The following NOL4 variants were observed in gnomAD, a reference collection of about 807,000 sequenced individuals.
NOL4 encodes the protein cancer/testis antigen 125.
Under a neutral mutation model 75.9 loss-of-function variants are expected in NOL4, and 17 were observed. That is an observed-to-expected ratio of 0.22 (90% CI 0.15 to 0.34). The LOEUF is 0.34. Among genes scored for constraint, NOL4 ranks in the 10% least tolerant of loss-of-function variants. The probability of loss-of-function intolerance (pLI) is 1.00; values close to 1 mark genes in which losing one functional copy is unlikely to be tolerated. For synonymous variants in NOL4, 292 were observed against 289.9 expected, an observed-to-expected ratio of 1.01 and a Z score of -0.07; for missense variants, 614 against 793.5, an observed-to-expected ratio of 0.77 and a Z score of 2.72.
At chr18:34,078,290 A>T (rs2077838705) in intron 5 of NOL4, among the ~76,000 whole-genome samples, 1 of 152,166 alleles carries the variant, frequency 6.6e-6, no homozygotes, top group Non-Finnish European at 1.5e-5. Flanking sequence ...GGGAGACATA[A>T]ATTGTGTCTG....
intron 5 of NOL4, among the ~76,000 whole-genome samples, chr18:34,050,811 A>G (rs2076595251): frequency 6.6e-6 from 1 of 152,134 alleles, no homozygotes; most frequent in East Asian, 1.9e-4. Flanking sequence ...CAAGTTTTAA[A>G]TATAAACCCC....
At chr18:34,012,575 T>G (rs1488435848) in intron 6 of NOL4, among the ~76,000 whole-genome samples, 1 of 151,856 alleles carries the variant, frequency 6.6e-6, no homozygotes, top group Non-Finnish European at 1.5e-5. Flanking sequence ...AAATTGGTAT[T>G]TAATAAAATA....
intron 1 of NOL4, among the ~76,000 whole-genome samples, chr18:34,139,494 GT>G (rs1467911663): frequency 5.9e-5 from 9 of 152,142 alleles, no homozygotes; most frequent in African/African-American, 2.2e-4. Flanking sequence ...TCTGATGGTA[GT>G]TTGTATTTCT....
At chr18:34,078,296 GTCTGAAGTGAAGTTAATTCCCT>G (rs1229858718) in intron 5 of NOL4, among the ~76,000 whole-genome samples, 3 of 152,152 alleles carry the variant, frequency 2.0e-5, no homozygotes, top group African/African-American at 7.2e-5. Context: ...CATAAATTGT[GTCTGAAGTGAAGTTAATTCCCT>G]TCTTTTAAAT....
intron 1 of NOL4, chr18:34,221,229 T>C (rs2037276445): frequency 6.6e-6 from 1 of 152,222 alleles, no homozygotes. Context: ...AGTGTTTCTT[T>C]AAAACATACA....
At chr18:34,085,618 T>C (rs945982492) in intron 5 of NOL4, among the ~76,000 whole-genome samples, 3 of 152,142 alleles carry the variant, frequency 2.0e-5, no homozygotes, top group African/African-American at 4.8e-5. Flanking sequence ...CTCGTTTATA[T>C]GAAAACACAC....
chr18:34,187,517 C>CAGGCGCCTAG (rs1568431645), intron 1 of NOL4, among the ~76,000 whole-genome samples: 1 of 151,970 alleles, frequency 6.6e-6, no homozygotes, highest in Non-Finnish European at 1.5e-5. Context: ...GCTGGGACTA[C>CAGGCGCCTAG]AGGCGCCTAG....
At position 33,898,113 on chromosome 18, in the gene NOL4, A is replaced by G. The variant is rs146370513; in HGVS notation, c.1543-14689T>C. ...ATTTTTGTAGAGACAAGGCCTCCCT[A>G]TGTTGGCCAGGCTGGTCTCAAACTC... On this transcript the variant is annotated intron_variant, in intron 9 of 10. Coordinates refer to ENST00000261592, the MANE Select transcript of NOL4 (RefSeq NM_003787.5). Among the ~76,000 whole-genome samples, 233 of 152,152 alleles carry G rather than the reference A, an allele frequency of 1.5e-3. 1 individual carries two copies. The highest frequency in any genetic ancestry group is 5.4e-3 in the African/African-American group (223 of 41,540).
In NOL4 at chr18:33,883,255, G is replaced by A. The variant is rs753700675; in HGVS notation, c.1712C>T (p.Ala571Val). Reference protein sequence around the residue: ...LGGGLLNLNDASSSGPTDLSM... With the variant: ...LGGGLLNLNDVSSSGPTDLSM... ...TGATAAATACTCACCACTGCTGGAA[G>A]CATCATTCAGATTTAGCAGACCCCC... The change falls in exon 10 of 11, where the codon GCT (alanine) becomes GTT (valine). Residue 571 changes from alanine to valine, a missense_variant. Physicochemically the swap from Ala to Val is moderately conservative, Grantham distance 64. Transcript: ENST00000261592. The A allele has an allele frequency of 3.1e-6, 5 of 1,591,810 alleles. No individual in the cohort carries two copies. Among genetic ancestry groups the A allele is most frequent in the East Asian group, 2.2e-5 (1 of 44,674 alleles).
chr18:33,878,666 C>G (rs1222670632), intron 10 of NOL4, among the ~76,000 whole-genome samples: 1 of 151,976 alleles, frequency 6.6e-6, no homozygotes, highest in Non-Finnish European at 1.5e-5. Flanking sequence ...TAAGCTCACC[C>G]AGCCTAATTC....
chr18:33,995,373 A>C (rs1163388006), intron 6 of NOL4, among the ~76,000 whole-genome samples: 1 of 151,702 alleles, frequency 6.6e-6, no homozygotes, highest in Non-Finnish European at 1.5e-5. Flanking sequence ...AATATTAGCA[A>C]ACCAAGTCCA....
intron 5 of NOL4, among the ~76,000 whole-genome samples, chr18:34,084,870 C>G (rs1042720675): frequency 6.6e-6 from 1 of 152,102 alleles, no homozygotes; most frequent in Non-Finnish European, 1.5e-5. Flanking sequence ...GCTTCAAAGC[C>G]CTACTAAACA....
chr18:34,093,331 A>G (rs2078614478), intron 5 of NOL4, 134 bp downstream of exon 5: 1 of 857,808 alleles, frequency 1.2e-6, no homozygotes, highest in Non-Finnish European at 1.7e-6. Context: ...CTAAATACAT[A>G]GAGAAAAGTT....
At chr18:34,012,573 A>G (rs1410161300) in intron 6 of NOL4, among the ~76,000 whole-genome samples, 1 of 151,884 alleles carries the variant, frequency 6.6e-6, no homozygotes, top group African/African-American at 2.4e-5. Context: ...TTAAATTGGT[A>G]TTTAATAAAA....
intron 6 of NOL4, among the ~76,000 whole-genome samples, chr18:33,995,600 G>A (rs559982160): frequency 7.9e-5 from 12 of 151,612 alleles, no homozygotes; most frequent in Admixed American, 4.0e-4. Flanking sequence ...TCAGAGAAAC[G>A]TCTACCAAAA....
At chr18:34,068,467 T>C (rs995492106) in intron 5 of NOL4, among the ~76,000 whole-genome samples, 1 of 152,142 alleles carries the variant, frequency 6.6e-6, no homozygotes, top group Non-Finnish European at 1.5e-5. Flanking sequence ...TGGCGCGAGC[T>C]TGGCTCACTG....
At chr18:34,084,082 G>A (rs2145431136) in intron 5 of NOL4, among the ~76,000 whole-genome samples, 1 of 152,316 alleles carries the variant, frequency 6.6e-6, no homozygotes, top group Non-Finnish European at 1.5e-5. Flanking sequence ...CCTGATGCCG[G>A]CTGGAACGCT....
intron 1 of NOL4, among the ~76,000 whole-genome samples, chr18:34,187,370 C>CTTTTTTTTTT (rs545524361): frequency 1.3e-5 from 1 of 78,352 alleles, no homozygotes; most frequent in Non-Finnish European, 2.3e-5. Flanking sequence ...TAGTCCACTT[C>CTTTTTTTTTT]TTTTTTTTTT....
intron 10 of NOL4, among the ~76,000 whole-genome samples, chr18:33,854,636 T>C (rs1053470283): frequency 6.6e-6 from 1 of 151,872 alleles, no homozygotes; most frequent in Non-Finnish European, 1.5e-5. Context: ...AGTTTTGTTT[T>C]TCTTTATATT....
Sources: allele counts gnomAD v4.1 joint callset (sites outside exome capture counted in the v4.1 genomes callset), GRCh38; gene constraint gnomAD v4.1.1; transcripts MANE v1.5; gene names NCBI Gene and HGNC (gene_info 2026-07-23, HGNC 2026-07-21).